Variants in PGLYRP3 observed in about 807,000 individuals in gnomAD.
PGLYRP3 encodes the protein peptidoglycan recognition protein 3.
PGLYRP3 carries 39 observed loss-of-function variants against 36.0 expected under a neutral mutation model. The ratio of observed to expected loss-of-function variants is 1.08; its 90% CI spans 0.84 to 1.41. PGLYRP3 has a LOEUF of 1.41. PGLYRP3 is among the 40% of genes most tolerant of loss of function. PGLYRP3 has a pLI of 0.00. For missense variants in PGLYRP3, 407 were observed against 427.9 expected (o/e 0.95, Z 0.43); for synonymous variants, 204 against 172.8 (o/e 1.18, Z -1.42).
intron 7 of PGLYRP3, 38 bp from the exon 8 acceptor site, chr1:153,298,172 C>T (rs750382249): frequency 1.2e-6 from 2 of 1,600,226 alleles, no homozygotes; most frequent in South Asian, 2.2e-5. Context: ...ATTAGGGGCT[C>T]AAAGTTTCTT....
At chr1:153,300,377 G>A (rs1659559881) in intron 6 of PGLYRP3, among the ~76,000 whole-genome samples, 1 of 152,150 alleles carries the variant, frequency 6.6e-6, no homozygotes, top group South Asian at 2.1e-4. Flanking sequence ...ACATTATCCT[G>A]TTCTGCATCC....
Position 153,304,951 on chromosome 1 carries a change from C to T in PGLYRP3, c.372G>A (p.Lys124=). The change falls in exon 4 of 8, where the codon AAG becomes AAA. Residue 124 remains lysine (K), a synonymous_variant. Transcript: ENST00000683862. ...ISLGIAFFGN[K]IGSSPSPAAL... ...TCCGCAGGGAGTGACCCTTACCTAT[C>T]TTATTGCCAAAGAAGGCGATGCCCA... 1 of 1,612,806 alleles carries T rather than the reference C, an allele frequency of 6.2e-7. No individual in the cohort carries two copies.
Position 153,307,115 on chromosome 1 carries a change from A to G in PGLYRP3, c.208T>C (p.Leu70=). The G allele has an allele frequency of 6.2e-7, 1 of 1,613,288 alleles. No individual in the cohort carries two copies. The highest frequency in any genetic ancestry group is 8.5e-7 in the Non-Finnish European group (1 of 1,179,728). Residue 70 remains leucine, a synonymous_variant, in exon 3 of 8, where the codon TTG becomes CTG. Transcript: ENST00000683862. ...QSVCSQMLRG[L]QSHSVYTIGW... ...ATGGTGTAGACGGAATGGGACTGCA[A>G]CCCCCGCAGCATCTGGCTGCAAACG...
At chr1:153,308,143 T>C (rs894393277) in intron 2 of PGLYRP3, among the ~76,000 whole-genome samples, 8 of 152,078 alleles carry the variant, frequency 5.3e-5, no homozygotes, top group Admixed American at 4.6e-4. Flanking sequence ...TACAGGTGCA[T>C]GCCACTATGC....
At chr1:153,301,069 G>A (rs188568481) in intron 6 of PGLYRP3, among the ~76,000 whole-genome samples, 40 of 152,204 alleles carry the variant, frequency 2.6e-4, no homozygotes, top group Admixed American at 4.6e-4. Context: ...AGGTATACAT[G>A]TCACCACACC....
intron 5 of PGLYRP3, 90 bp downstream of exon 5, chr1:153,303,767 G>A (rs1571103312): frequency 4.2e-6 from 6 of 1,425,476 alleles, no homozygotes; most frequent in South Asian, 1.4e-5. Context: ...AATCCCATGG[G>A]GTCTAACAGG....
At chr1:153,300,429 CCCT>C (rs796766641) in intron 6 of PGLYRP3, among the ~76,000 whole-genome samples, 61 of 152,272 alleles carry the variant, frequency 4.0e-4, no homozygotes, top group African/African-American at 1.4e-3. Context: ...TACTTGTTAG[CCCT>C]CCTTCTCTCA....
chr1:153,298,537 A>C (rs544572185), intron 7 of PGLYRP3, among the ~76,000 whole-genome samples: 35 of 152,200 alleles, frequency 2.3e-4, no homozygotes, highest in Admixed American at 1.2e-3. Flanking sequence ...CAGCTACTCG[A>C]GAGGCTGAGG....
At position 153,297,932 on chromosome 1, in the gene PGLYRP3, G is replaced by C. The variant is rs777342753; in HGVS notation, c.*24C>G. 6.2e-7 allele frequency: 1 copy of C among 1,609,746 alleles called. No homozygotes were observed. Among genetic ancestry groups the C allele is most frequent in the Non-Finnish European group, 8.5e-7 (1 of 1,176,968 alleles). The stretch of plus-strand genomic sequence containing the variant: ...GAGACCCAGCAGGGGAGGGAGGGCA[G>C]TCTCAAAGGGAGTGGGGCCTCCTTC... On this transcript the variant is annotated 3_prime_UTR_variant, in exon 8 of 8. Transcript: ENST00000683862.
chr1:153,311,366 G>A (rs939889799), intron 1 of PGLYRP3, among the ~76,000 whole-genome samples: 11 of 152,140 alleles, frequency 7.2e-5, no homozygotes, highest in African/African-American at 2.4e-4. Context: ...TATGAGACCC[G>A]CACTTATCAT....
chr1:153,307,281 CA>C lies in PGLYRP3; in HGVS notation c.56-15del. On this transcript the variant is annotated splice_polypyrimidine_tract_variant and intron_variant, in intron 2 of 7. Transcript: ENST00000683862. ...TGGTGGGAGTATCTGTAGGGAAGAC[CA>C]CAGAATGGCACATAGCAGGCCCTGC... 1 of 1,575,670 alleles carries C rather than the reference CA, an allele frequency of 6.3e-7. No homozygotes were observed. The highest frequency in any genetic ancestry group is 1.3e-5 in the African/African-American group (1 of 74,208).
In PGLYRP3 at chr1:153,297,546, G is replaced by GGAAGGAAGGAAA. The variant is rs1659462331; in HGVS notation, c.*409_*410insTTTCCTTCCTTC. 1.1e-5 allele frequency among the ~76,000 whole-genome samples: 1 copy of GGAAGGAAGGAAA among 92,222 alleles called. No individual in the cohort carries two copies. Among genetic ancestry groups the GGAAGGAAGGAAA allele is most frequent in the African/African-American group, 4.9e-5 (1 of 20,256 alleles). 60.5% of individuals were successfully genotyped at this position (92,222 alleles called of 152,430 possible). On this transcript the variant is annotated 3_prime_UTR_variant, in exon 8 of 8. Transcript: ENST00000683862. The stretch of plus-strand genomic sequence containing the variant: ...AGGAAGGAAGGAAGGAAGGAAGGAA[G>GGAAGGAAGGAAA]GAAGGAAAGAAAGAAAAAGAAAGAA...
intron 6 of PGLYRP3, among the ~76,000 whole-genome samples, chr1:153,302,177 C>T (rs1659613419): frequency 2.0e-5 from 3 of 152,178 alleles, no homozygotes; most frequent in African/African-American, 7.2e-5. Flanking sequence ...CTTCTAATGC[C>T]TTCTTTTCAG....
At chr1:153,307,393 G>T (rs1659772348) in intron 2 of PGLYRP3, 126 bp from the exon 3 acceptor site, 2 of 885,834 alleles carry the variant, frequency 2.3e-6, no homozygotes, top group East Asian at 2.7e-5. Context: ...CACCCTGGGG[G>T]AGCCCTTCAC....
chr1:153,307,261 G>T lies in PGLYRP3; in HGVS notation c.62C>A (p.Pro21His), dbSNP rs774405116. The stretch of plus-strand genomic sequence containing the variant: ...CCACTCCTTGCGGGAGACGATGGTG[G>T]GAGTATCTGTAGGGAAGACCACAGA... ...FILGLQAWDT[P>H]TIVSRKEWGA... The change falls in exon 3 of 8, where the codon CCC (proline) becomes CAC (histidine). Residue 21 changes from proline (P) to histidine (H), a missense_variant. Coordinates refer to ENST00000683862, the MANE Select transcript of PGLYRP3 (RefSeq NM_052891.3). The T allele has an allele frequency of 6.3e-7, 1 of 1,598,504 alleles. No individual in the cohort carries two copies. The highest frequency in any genetic ancestry group is 8.5e-7 in the Non-Finnish European group (1 of 1,172,936).
intron 6 of PGLYRP3, among the ~76,000 whole-genome samples, chr1:153,301,712 G>A (rs900737323): frequency 2.0e-5 from 3 of 152,244 alleles, no homozygotes; most frequent in Admixed American, 6.5e-5. Flanking sequence ...GACTTTGTAA[G>A]ATTTGTTGTG....
rs1228133390 is a variant in PGLYRP3 at position 153,297,737 on chromosome 1, G to C, written c.*219C>G. The C allele has an allele frequency of 2.4e-5, 12 of 494,930 alleles. No individual in the cohort carries two copies. In the Admixed American group the frequency reaches 3.9e-4, roughly 16 times the overall value. The allele number at this position is 494,930 out of a possible 1,614,324, so 30.7% of individuals were successfully genotyped here. A position where few individuals can be genotyped will look rare whatever the true frequency, so the allele number is the denominator to read the frequency against. The stretch of plus-strand genomic sequence containing the variant: ...CCAGGGGAGAGGTAGGTAAAAGAGA[G>C]GGGAAGTCTAAACTCAGACCAAGAG... On this transcript the variant is annotated 3_prime_UTR_variant, in exon 8 of 8. Transcript: ENST00000683862.
At chr1:153,304,137 G>A (rs1304680690) in intron 4 of PGLYRP3, 128 bp from the exon 5 acceptor site, 3 of 894,810 alleles carry the variant, frequency 3.4e-6, no homozygotes, top group Non-Finnish European at 4.9e-6. Flanking sequence ...AACTGGTCCA[G>A]TTGCCAGAAC....
In PGLYRP3 at chr1:153,302,486, G is replaced by A; in HGVS notation, c.651C>T (p.Ser217=). 1 of 1,614,218 alleles carries A rather than the reference G, an allele frequency of 6.2e-7. No homozygotes were observed. The highest frequency in any genetic ancestry group is 8.5e-7 in the Non-Finnish European group (1 of 1,180,040). Residue 217 remains serine (S), a synonymous_variant, in exon 6 of 8, where the codon TCC becomes TCT. Transcript: ENST00000683862. ...TTCGGACGACAGTCTGGCAGTCTGT[G>A]GATACAGTGCAGCTTGTGCCAGCGG... is the stretch of plus-strand genomic sequence containing the variant. ...IHTAGTSCTV[S]TDCQTVVRNI...
Sources: allele counts gnomAD v4.1 joint callset (sites outside exome capture counted in the v4.1 genomes callset), GRCh38; gene constraint gnomAD v4.1.1; transcripts MANE v1.5; gene names NCBI Gene and HGNC (gene_info 2026-07-23, HGNC 2026-07-21).